KALRN: variants seen among roughly 807,000 people sequenced by gnomAD.
The protein encoded by KALRN is kalirin RhoGEF kinase, also known as kalirin.
In KALRN, 70 loss-of-function variants were observed where a neutral mutation model predicts 353.7. The observed-to-expected ratio is 0.20, with a 90% CI of 0.16 to 0.24. KALRN has a LOEUF of 0.24. Ranked by LOEUF, KALRN falls within the 10% of genes least tolerant of loss-of-function variation. The probability of loss-of-function intolerance (pLI) is 1.00; values close to 1 mark genes in which losing one functional copy is unlikely to be tolerated. For missense variants in KALRN, 2,791 were observed against 3,756.7 expected (o/e 0.74, Z 6.72); for synonymous variants, 1,391 against 1,434.8 (o/e 0.97, Z 0.69).
At chr3:124,492,954 G>T in intron 32 of KALRN, 72 bp downstream of exon 32, 6 of 1,552,800 alleles carry the variant, frequency 3.9e-6, no homozygotes, top group Non-Finnish European at 5.3e-6. Context: ...ATGAATCTTT[G>T]CTTCTGAAGG....
intron 51 of KALRN, among the ~76,000 whole-genome samples, chr3:124,692,695 T>A (rs930929386): frequency 6.6e-6 from 1 of 152,282 alleles, no homozygotes; most frequent in African/African-American, 2.4e-5. Flanking sequence ...TGCCGGGCAT[T>A]GTGCTAAGCA....
At chr3:124,574,545 A>G (rs566075483) in intron 34 of KALRN, among the ~76,000 whole-genome samples, 24 of 152,204 alleles carry the variant, frequency 1.6e-4, no homozygotes, top group Non-Finnish European at 3.2e-4. Context: ...GCTCAGAGCT[A>G]AAATGAGAGC....
At position 124,105,565 on chromosome 3, in the gene KALRN, T is replaced by C. The variant is rs62265088; in HGVS notation, c.73+71752T>C. Among the ~76,000 whole-genome samples, 1,482 of 152,208 alleles carry C rather than the reference T, an allele frequency of 9.7e-3. 41 individuals are homozygous for C. The highest frequency in any genetic ancestry group is 0.047 in the Admixed American group (712 of 15,288). ...GGGTAGGAGGAGAGCCAGGACATAA[T>C]AATTTCGTGGGAATAGAGGAGAAGG... On this transcript the variant is annotated intron_variant, in intron 1 of 59. Transcript: ENST00000682506.
chr3:124,637,982 C>T (rs899657127), intron 37 of KALRN, among the ~76,000 whole-genome samples: 1 of 152,172 alleles, frequency 6.6e-6, no homozygotes, highest in Non-Finnish European at 1.5e-5. Context: ...TTTTGGATAG[C>T]TCATTAGGAT....
intron 1 of KALRN, among the ~76,000 whole-genome samples, chr3:124,218,485 TTC>T (rs2077562447): frequency 1.3e-5 from 2 of 152,208 alleles, no homozygotes; most frequent in Admixed American, 1.3e-4. Flanking sequence ...CAAGCTAATG[TTC>T]TCTGTTACTT....
At chr3:124,145,937 G>T (rs1432256454) in intron 1 of KALRN, among the ~76,000 whole-genome samples, 1 of 152,194 alleles carries the variant, frequency 6.6e-6, no homozygotes, top group African/African-American at 2.4e-5. Flanking sequence ...CTTTAGGCAG[G>T]TTTTCAAGGG....
intron 10 of KALRN, among the ~76,000 whole-genome samples, chr3:124,380,773 T>G (rs995884928): frequency 6.6e-6 from 1 of 152,212 alleles, no homozygotes; most frequent in Non-Finnish European, 1.5e-5. Flanking sequence ...GGTAATACTT[T>G]AGTTGATATT....
At chr3:124,296,780 T>A (rs1246440642) in intron 5 of KALRN, among the ~76,000 whole-genome samples, 1 of 152,244 alleles carries the variant, frequency 6.6e-6, no homozygotes, top group Non-Finnish European at 1.5e-5. Flanking sequence ...CAGTGGGCTA[T>A]CCCAGTTCTG....
At chr3:124,343,227 A>T (rs2081950214) in intron 9 of KALRN, among the ~76,000 whole-genome samples, 1 of 152,238 alleles carries the variant, frequency 6.6e-6, no homozygotes, top group Non-Finnish European at 1.5e-5. Context: ...GTGATATCAC[A>T]GATCACTTCA....
chr3:124,073,009 G>C (rs1416250781), intron 1 of KALRN, among the ~76,000 whole-genome samples: 1 of 152,144 alleles, frequency 6.6e-6, no homozygotes, highest in African/African-American at 2.4e-5. Context: ...CCCAAGCCTT[G>C]ATTACATGTT....
intron 1 of KALRN, among the ~76,000 whole-genome samples, chr3:124,158,296 T>C (rs1030739033): frequency 3.9e-5 from 6 of 152,168 alleles, no homozygotes; most frequent in Admixed American, 1.3e-4. Flanking sequence ...GTGGAAGAGA[T>C]AGCCCACTTC....
intron 1 of KALRN, among the ~76,000 whole-genome samples, chr3:124,105,235 C>T (rs1227252308): frequency 6.6e-6 from 1 of 152,120 alleles, no homozygotes; most frequent in Non-Finnish European, 1.5e-5. Flanking sequence ...TGAGGAGTGG[C>T]AACTGTTACA....
chr3:124,620,732 C>T (rs2079171416), intron 34 of KALRN, among the ~76,000 whole-genome samples: 2 of 152,186 alleles, frequency 1.3e-5, no homozygotes, highest in Admixed American at 6.5e-5. Context: ...GAGCAGCGGC[C>T]TTGTGTTTTC....
intron 47 of KALRN, among the ~76,000 whole-genome samples, chr3:124,669,963 C>CTT (rs61190740): frequency 1.8e-4 from 25 of 136,486 alleles, no homozygotes; most frequent in African/African-American, 4.6e-4. Context: ...CATATATTTT[C>CTT]TTTTTTTTTT....
intron 1 of KALRN, among the ~76,000 whole-genome samples, chr3:124,212,590 A>G (rs1306242975): frequency 6.6e-6 from 1 of 152,146 alleles, no homozygotes; most frequent in African/African-American, 2.4e-5. Context: ...CTTGTTTGCA[A>G]ATATCTGTCC....
At chr3:124,268,643 A>T in intron 4 of KALRN, 100 bp from the exon 5 acceptor site, 1 of 1,269,626 alleles carries the variant, frequency 7.9e-7, no homozygotes. Flanking sequence ...GGCTGTGGTC[A>T]TTATTATGTG....
chr3:124,335,609 C>T (rs561599552), intron 9 of KALRN, among the ~76,000 whole-genome samples: 10 of 152,174 alleles, frequency 6.6e-5, no homozygotes, highest in Admixed American at 2.6e-4. Flanking sequence ...GATCCAGGCT[C>T]ACTGTCATCT....
chr3:124,582,084 G>A (rs191338488), intron 34 of KALRN, among the ~76,000 whole-genome samples: 96 of 149,924 alleles, frequency 6.4e-4, no homozygotes, highest in Admixed American at 2.5e-3. Context: ...GCAATGGTGC[G>A]ATCTCCGCTC....
rs3058058 is a variant in KALRN at position 124,602,025 on chromosome 3, C to CAA, written c.5183-30379_5183-30378dup. Among the ~76,000 whole-genome samples, 1,054 of 133,176 alleles carry CAA rather than the reference C, an allele frequency of 7.9e-3. 12 individuals are homozygous for CAA. Among genetic ancestry groups the CAA allele is most frequent in the African/African-American group, 0.024 (875 of 36,898 alleles). The allele number at this position is 133,176 out of a possible 152,430, so 87.4% of individuals were successfully genotyped here. A position where few individuals can be genotyped will look rare whatever the true frequency, so the allele number is the denominator to read the frequency against. ...TGGACAACATAGCAAGACTCTGTCT[C>CAA]AAAAAAAAAAAAAAAAAGAAAAGAA... On this transcript the variant is annotated intron_variant, in intron 34 of 59. Coordinates refer to ENST00000682506, the MANE Select transcript of KALRN (RefSeq NM_001388419.1).
Sources: gnomAD v4.1 joint callset for allele counts (sites outside exome capture counted in the v4.1 genomes callset) on GRCh38, gnomAD v4.1.1 for gene constraint, MANE v1.5 for transcripts, NCBI Gene and HGNC (gene_info 2026-07-23, HGNC 2026-07-21) for gene names.